Variants in RABGAP1L observed in about 807,000 individuals in gnomAD.
RABGAP1L encodes the protein RAB GTPase activating protein 1 like.
RABGAP1L carries 63 observed loss-of-function variants against 137.7 expected under a neutral mutation model. That is an observed-to-expected ratio of 0.46 (90% CI 0.37 to 0.56). The LOEUF (loss-of-function observed/expected upper bound fraction) is 0.56. RABGAP1L is among the 20% of genes least tolerant of loss of function. The probability of loss-of-function intolerance (pLI) is 0.00; values close to 1 mark genes in which losing one functional copy is unlikely to be tolerated. For missense variants in RABGAP1L, 1,095 were observed against 1,244.0 expected (o/e 0.88, Z 1.80); for synonymous variants, 431 against 433.7 (o/e 0.99, Z 0.08).
chr1:174,699,570 G>C lies in RABGAP1L; in HGVS notation c.1945G>C (p.Asp649His). Residue 649 changes from aspartate to histidine, a missense_variant, in exon 16 of 26, where the codon GAC becomes CAC. Asp to His is a moderately conservative substitution (Grantham distance 81). This residue lies in a region of RABGAP1L where 315 missense variants were observed against 324.8 expected (regional missense o/e 0.97). Coordinates refer to ENST00000681986, the MANE Select transcript of RABGAP1L (RefSeq NM_001366446.1). ...CTGTGTTTTGGTGAAAATCATGTAC[G>C]ACTATGGTTTGAGAGACCTCTACAG... is the stretch of plus-strand genomic sequence containing the variant. ...AFCVLVKIMY[D>H]YGLRDLYRNN... 1 of 1,611,884 alleles carries C rather than the reference G, an allele frequency of 6.2e-7. No individual in the cohort carries two copies. Among genetic ancestry groups the C allele is most frequent in the South Asian group, 1.1e-5 (1 of 91,020 alleles).
At position 174,288,221 on chromosome 1, in the gene RABGAP1L, C is replaced by T. The variant is rs574308734; in HGVS notation, c.1323+9442C>T. On this transcript the variant is annotated intron_variant, in intron 10 of 25. Transcript: ENST00000681986. ...AATATGTTTGTTTTTAACTTTTATACTAGAGTTGAAAGTGATATACATACC... is the reference window on the plus strand; with the variant it reads ...AATATGTTTGTTTTTAACTTTTATATTAGAGTTGAAAGTGATATACATACC... 5.3e-5 allele frequency among the ~76,000 whole-genome samples: 8 copies of T among 152,184 alleles called. No homozygotes were observed. The South Asian group carries it at 1.2e-3, about 24-fold the overall frequency.
intron 19 of RABGAP1L, among the ~76,000 whole-genome samples, chr1:174,943,217 C>T (rs1000333699): frequency 6.6e-6 from 1 of 152,188 alleles, no homozygotes; most frequent in African/African-American, 2.4e-5. Flanking sequence ...CACATAGGTC[C>T]TCATACTTGG....
intron 1 of RABGAP1L, among the ~76,000 whole-genome samples, chr1:174,203,984 A>G (rs1353445648): frequency 6.7e-6 from 1 of 149,430 alleles, no homozygotes; most frequent in Admixed American, 6.7e-5. Context: ...TCTGTTGCCC[A>G]GAGTGCAGTG....
intron 13 of RABGAP1L, among the ~76,000 whole-genome samples, chr1:174,566,402 T>G (rs189895345): frequency 6.6e-6 from 1 of 152,212 alleles, no homozygotes; most frequent in East Asian, 1.9e-4. Context: ...TGGTGGTAAT[T>G]GTTATTCACC....
Position 174,940,501 on chromosome 1 carries a change from C to T in RABGAP1L, c.2341-16956C>T, listed in dbSNP as rs553830941. Among the ~76,000 whole-genome samples the T allele has an allele frequency of 3.4e-4, 52 of 152,196 alleles. 1 individual carries two copies. Among genetic ancestry groups the T allele is most frequent in the Admixed American group, 2.8e-3 (43 of 15,272 alleles). ...CTTTGTTGCCCAGGCTGGTCTTGAA[C>T]TCTTGAGCTCAAGTGATCCTTTCAT... is the stretch of plus-strand genomic sequence containing the variant. On this transcript the variant is annotated intron_variant, in intron 19 of 25. Transcript: ENST00000681986.
intron 13 of RABGAP1L, among the ~76,000 whole-genome samples, chr1:174,502,625 CATATATATGTGTGT>C (rs1661411475): frequency 8.5e-6 from 1 of 117,176 alleles, no homozygotes; most frequent in Non-Finnish European, 1.8e-5. Flanking sequence ...TATATATGTA[CATATATATGTGTGT>C]ATATATATGT....
chr1:174,210,068 G>A (rs1362639247), intron 1 of RABGAP1L, among the ~76,000 whole-genome samples: 1 of 152,156 alleles, frequency 6.6e-6, no homozygotes, highest in Non-Finnish European at 1.5e-5. Flanking sequence ...CCCTAATGCA[G>A]ATACAGCTTA....
chr1:174,588,595 C>T (rs1213812856), intron 13 of RABGAP1L, among the ~76,000 whole-genome samples: 1 of 152,104 alleles, frequency 6.6e-6, no homozygotes, highest in Non-Finnish European at 1.5e-5. Flanking sequence ...CCACTTTGCC[C>T]CCACTACTCC....
At chr1:174,393,407 G>A (rs1454214423) in intron 12 of RABGAP1L, among the ~76,000 whole-genome samples, 1 of 152,184 alleles carries the variant, frequency 6.6e-6, no homozygotes, top group Non-Finnish European at 1.5e-5. Context: ...TCAAGAGATA[G>A]GGCTTCCTGG....
At chr1:174,324,438 G>C (rs1338271544) in intron 11 of RABGAP1L, among the ~76,000 whole-genome samples, 1 of 152,136 alleles carries the variant, frequency 6.6e-6, no homozygotes, top group Non-Finnish European at 1.5e-5. Context: ...GGAAGTGTGG[G>C]TTTGGAGGTG....
intron 19 of RABGAP1L, among the ~76,000 whole-genome samples, chr1:174,878,736 G>A (rs962582114): frequency 6.6e-6 from 1 of 151,814 alleles, no homozygotes; most frequent in African/African-American, 2.4e-5. Flanking sequence ...AAATAAAGGA[G>A]AAAGCTATAG....
chr1:174,980,719 T>C (rs1459240525), intron 23 of RABGAP1L, among the ~76,000 whole-genome samples: 2 of 152,178 alleles, frequency 1.3e-5, no homozygotes, highest in East Asian at 1.9e-4. Context: ...TTGTTTGTGG[T>C]AGGATCTTTT....
At chr1:174,613,433 A>G (rs1181116183) in intron 13 of RABGAP1L, among the ~76,000 whole-genome samples, 5 of 151,758 alleles carry the variant, frequency 3.3e-5, no homozygotes, top group Non-Finnish European at 7.4e-5. Context: ...AGTTTGTTTT[A>G]ATTTCTGTTC....
chr1:174,719,085 C>T (rs1227038227), intron 17 of RABGAP1L, among the ~76,000 whole-genome samples: 8 of 151,998 alleles, frequency 5.3e-5, no homozygotes, highest in East Asian at 3.9e-4. Flanking sequence ...GTTATCCTCC[C>T]GCCTCAGCTT....
rs75110121 is a variant in RABGAP1L at position 174,536,123 on chromosome 1, T to C, written c.1711-101252T>C. Among the ~76,000 whole-genome samples the C allele has an allele frequency of 2.4e-3, 361 of 152,224 alleles. 1 individual carries two copies. Among genetic ancestry groups the C allele is most frequent in the African/African-American group, 8.0e-3 (333 of 41,538 alleles). On this transcript the variant is annotated intron_variant, in intron 13 of 25. Transcript: ENST00000681986. ...AACATTTTTTTCCTCTTTGCAAATA[T>C]CTTTTGATTGGTATTTTAATTATTG...
chr1:174,736,230 G>C (rs1682933899), intron 17 of RABGAP1L, among the ~76,000 whole-genome samples: 1 of 152,246 alleles, frequency 6.6e-6, no homozygotes, highest in South Asian at 2.1e-4. Context: ...TACAGGCACT[G>C]GGTAAACATT....
chr1:174,932,425 G>A (rs927263258), intron 19 of RABGAP1L, among the ~76,000 whole-genome samples: 3 of 151,932 alleles, frequency 2.0e-5, no homozygotes, highest in African/African-American at 7.3e-5. Flanking sequence ...TTGTCTGGTG[G>A]TTCCTTAAGA....
At chr1:174,305,231 A>G in intron 11 of RABGAP1L, 104 bp downstream of exon 11, 5 of 1,216,510 alleles carry the variant, frequency 4.1e-6, no homozygotes, top group Non-Finnish European at 5.3e-6. Flanking sequence ...GGTTATTCCT[A>G]ACCTCTGTTA....
intron 13 of RABGAP1L, among the ~76,000 whole-genome samples, chr1:174,460,425 C>A (rs998951216): frequency 2.6e-5 from 4 of 151,990 alleles, no homozygotes; most frequent in African/African-American, 9.7e-5. Context: ...CATTTCCCCC[C>A]TATGGATTAG....
Sources: allele counts gnomAD v4.1 joint callset (sites outside exome capture counted in the v4.1 genomes callset), GRCh38; gene constraint gnomAD v4.1.1; regional missense constraint gnomAD v4.1.1; transcripts MANE v1.5; gene names NCBI Gene and HGNC (gene_info 2026-07-23, HGNC 2026-07-21).